The following DLG2 variants were observed in gnomAD, a reference collection of about 807,000 sequenced individuals.
DLG2 encodes disks large homolog 2.
Under a neutral mutation model 132.5 loss-of-function variants are expected in DLG2, and 45 were observed. That is an observed-to-expected ratio of 0.34 (90% CI 0.27 to 0.44). The LOEUF (loss-of-function observed/expected upper bound fraction) is 0.44, where lower values mean the gene tolerates loss of function less well. DLG2 is among the 20% of genes least tolerant of loss of function. The pLI, the probability that DLG2 is intolerant of heterozygous loss-of-function variation, is 1.00. For missense variants in DLG2, 1,045 were observed against 1,196.9 expected (o/e 0.87, Z 1.87); for synonymous variants, 424 against 419.6 (o/e 1.01, Z -0.13).
intron 18 of DLG2, among the ~76,000 whole-genome samples, chr11:83,677,892 C>G (rs1374640414): frequency 6.6e-6 from 1 of 152,204 alleles, no homozygotes; most frequent in Non-Finnish European, 1.5e-5. Flanking sequence ...ATAGCCATCT[C>G]TGCTTTGACT....
chr11:84,134,810 A>G (rs2154220808), intron 9 of DLG2, among the ~76,000 whole-genome samples: 1 of 151,996 alleles, frequency 6.6e-6, no homozygotes, highest in South Asian at 2.1e-4. Context: ...TGATACTTCT[A>G]CAACGGAAAC....
rs76082167 is a variant in DLG2 at position 83,690,198 on chromosome 11, G to A, written c.1826-56873C>T. Among the ~76,000 whole-genome samples the A allele has an allele frequency of 6.4e-3, 964 of 150,782 alleles. 8 individuals carry two copies. Among genetic ancestry groups the A allele is most frequent in the African/African-American group, 0.022 (909 of 41,254 alleles). On this transcript the variant is annotated intron_variant, in intron 18 of 27. Coordinates refer to ENST00000376104, the MANE Select transcript of DLG2 (RefSeq NM_001142699.3). ...AAGGTCTTGGCTACCACTGGGGTGC[G>A]TATAATCACTTTGAAGAATACCAAG...
chr11:85,149,695 G>C (rs927068405), intron 5 of DLG2, among the ~76,000 whole-genome samples: 1 of 152,150 alleles, frequency 6.6e-6, no homozygotes, highest in Non-Finnish European at 1.5e-5. Context: ...TGTAGTGTTT[G>C]TGTTGCTTTA....
chr11:84,024,355 A>C (rs1566086189), intron 11 of DLG2, among the ~76,000 whole-genome samples: 1 of 152,192 alleles, frequency 6.6e-6, no homozygotes, highest in Non-Finnish European at 1.5e-5. Context: ...GCAGCATCAC[A>C]GGCAAATAAA....
intron 6 of DLG2, among the ~76,000 whole-genome samples, chr11:84,704,884 C>CACATTATGTATATATACACATATATAT (rs1222752541): frequency 1.3e-5 from 2 of 148,976 alleles, no homozygotes; most frequent in Non-Finnish European, 3.0e-5. Context: ...CATATATATA[C>CACATTATGTATATATACACATATATAT]ACATTATGTA....
At chr11:84,250,109 T>C (rs1479891549) in intron 8 of DLG2, among the ~76,000 whole-genome samples, 1 of 152,178 alleles carries the variant, frequency 6.6e-6, no homozygotes, top group African/African-American at 2.4e-5. Context: ...CACACTTTGT[T>C]TGGCAGACAC....
At chr11:84,520,768 G>A (rs2099295722) in intron 7 of DLG2, among the ~76,000 whole-genome samples, 1 of 152,112 alleles carries the variant, frequency 6.6e-6, no homozygotes, top group African/African-American at 2.4e-5. Context: ...TGGAAGAAGG[G>A]GTTCTTTAAG....
chr11:83,746,466 C>T (rs1263468305), intron 18 of DLG2, among the ~76,000 whole-genome samples: 1 of 152,032 alleles, frequency 6.6e-6, no homozygotes, highest in Non-Finnish European at 1.5e-5. Context: ...TCTCAGCAAA[C>T]CATTGCAAGG....
At chr11:85,388,506 T>C (rs1417985423) in intron 3 of DLG2, among the ~76,000 whole-genome samples, 2 of 152,234 alleles carry the variant, frequency 1.3e-5, no homozygotes, top group East Asian at 3.9e-4. Flanking sequence ...TGATATGCTC[T>C]TGAAAGCACC....
chr11:83,750,154 C>T (rs556140252), intron 18 of DLG2, among the ~76,000 whole-genome samples: 4 of 152,238 alleles, frequency 2.6e-5, no homozygotes, highest in East Asian at 1.9e-4. Context: ...CAAGAGGAAC[C>T]CCCAAGATTC....
intron 19 of DLG2, among the ~76,000 whole-genome samples, chr11:83,602,188 T>C (rs572186812): frequency 9.8e-5 from 15 of 152,352 alleles, no homozygotes; most frequent in African/African-American, 3.6e-4. Context: ...TTAATTTTCT[T>C]ACAAACTCTC....
chr11:85,324,738 A>G (rs145266475), intron 3 of DLG2, among the ~76,000 whole-genome samples: 1 of 147,040 alleles, frequency 6.8e-6, no homozygotes, highest in Admixed American at 7.0e-5. Flanking sequence ...CGGTGTGCTT[A>G]AAGAAGAAAA....
intron 5 of DLG2, among the ~76,000 whole-genome samples, chr11:85,112,216 G>C (rs2072885791): frequency 6.6e-6 from 1 of 152,050 alleles, no homozygotes; most frequent in Non-Finnish European, 1.5e-5. Flanking sequence ...GAAAGGGATA[G>C]ATCTCAGAGG....
At chr11:84,908,624 C>T (rs928388870) in intron 6 of DLG2, among the ~76,000 whole-genome samples, 22 of 151,718 alleles carry the variant, frequency 1.5e-4, no homozygotes, top group Middle Eastern at 3.2e-3. Context: ...TAGACCTCAT[C>T]GGAAAGAAAG....
chr11:85,015,824 T>A (rs1168845156), intron 6 of DLG2, among the ~76,000 whole-genome samples: 3 of 152,156 alleles, frequency 2.0e-5, no homozygotes, highest in African/African-American at 7.2e-5. Context: ...TGATTTCATC[T>A]CTTAATAATC....
chr11:83,981,590 C>A (rs767162696), intron 11 of DLG2, among the ~76,000 whole-genome samples: 40 of 152,016 alleles, frequency 2.6e-4, no homozygotes, highest in Non-Finnish European at 5.0e-4. Context: ...AACAGGCACA[C>A]GCCACCATGT....
At chr11:84,039,401 GATATT>G (rs1461828283) in intron 11 of DLG2, among the ~76,000 whole-genome samples, 1 of 123,684 alleles carries the variant, frequency 8.1e-6, no homozygotes, top group African/African-American at 3.2e-5. Context: ...CCCAGAGTGT[GATATT>G]CCCCTTCCTG....
intron 18 of DLG2, among the ~76,000 whole-genome samples, chr11:83,653,740 T>C (rs1189465203): frequency 6.6e-6 from 1 of 152,176 alleles, no homozygotes. Context: ...TATTTTTTTT[T>C]TAGATGGAGT....
chr11:84,708,161 A>C (rs1381665350), intron 6 of DLG2, among the ~76,000 whole-genome samples: 3 of 151,756 alleles, frequency 2.0e-5, no homozygotes, highest in Non-Finnish European at 2.9e-5. Context: ...TGATGTTTGA[A>C]CCTTACTAGT....
Sources: allele counts gnomAD v4.1 joint callset (sites outside exome capture counted in the v4.1 genomes callset), GRCh38; gene constraint gnomAD v4.1.1; transcripts MANE v1.5; gene names NCBI Gene and HGNC (gene_info 2026-07-23, HGNC 2026-07-21).